Variants in GRID1 observed in about 807,000 individuals in gnomAD.
GRID1 encodes glutamate ionotropic receptor delta type subunit 1, also known as glutamate receptor ionotropic, delta-1.
A neutral mutation model predicts 98.0 loss-of-function variants in GRID1; 28 were observed. The ratio of observed to expected loss-of-function variants is 0.29; its 90% CI spans 0.21 to 0.39. The LOEUF (loss-of-function observed/expected upper bound fraction) is 0.39. GRID1 is among the 10% of genes least tolerant of loss of function. The probability of loss-of-function intolerance (pLI) is 1.00; values close to 1 mark genes in which losing one functional copy is unlikely to be tolerated. For synonymous variants in GRID1, 553 were observed against 538.5 expected (o/e 1.03, Z -0.37); for missense variants, 1,111 against 1,340.5 (o/e 0.83, Z 2.67).
chr10:86,347,848 G>A (rs1848407390), intron 2 of GRID1, among the ~76,000 whole-genome samples: 1 of 152,226 alleles, frequency 6.6e-6, no homozygotes, highest in South Asian at 2.1e-4. Context: ...TTCCCTGGAG[G>A]TGATAGTCTC....
chr10:86,356,052 T>C (rs1863823), intron 2 of GRID1, among the ~76,000 whole-genome samples: 39,032 of 152,054 alleles, frequency 0.26, 6,546 homozygotes, highest in East Asian at 0.51. Context: ...CATGACTAGC[T>C]CAATGGTCCT....
At chr10:85,995,473 C>G (rs189274731) in intron 4 of GRID1, among the ~76,000 whole-genome samples, 6 of 152,302 alleles carry the variant, frequency 3.9e-5, no homozygotes, top group Admixed American at 3.9e-4. Flanking sequence ...CCCCAGTTGA[C>G]TAGGTGTGCA....
At chr10:85,761,804 T>TC (rs1842150036) in intron 8 of GRID1, among the ~76,000 whole-genome samples, 1 of 151,298 alleles carries the variant, frequency 6.6e-6, no homozygotes, top group Non-Finnish European at 1.5e-5. Flanking sequence ...TATGCCATGC[T>TC]CCCCCCACAC....
intron 4 of GRID1, among the ~76,000 whole-genome samples, chr10:86,041,935 C>T (rs189732253): frequency 2.0e-5 from 3 of 152,306 alleles, no homozygotes; most frequent in Admixed American, 2.0e-4. Context: ...GTCAGGCCTC[C>T]CACCTGGGTA....
intron 4 of GRID1, among the ~76,000 whole-genome samples, chr10:85,922,166 G>A (rs1841714614): frequency 6.6e-6 from 1 of 152,120 alleles, no homozygotes; most frequent in African/African-American, 2.4e-5. Context: ...GTCTGAACCT[G>A]GCCCCGTAAC....
chr10:86,106,221 G>A (rs936344344), intron 4 of GRID1, among the ~76,000 whole-genome samples: 7 of 152,156 alleles, frequency 4.6e-5, no homozygotes, highest in African/African-American at 1.7e-4. Context: ...AAAAAAAATT[G>A]AAGATTGGAA....
At chr10:85,990,613 A>T (rs1481431069) in intron 4 of GRID1, among the ~76,000 whole-genome samples, 1 of 152,212 alleles carries the variant, frequency 6.6e-6, no homozygotes, top group Non-Finnish European at 1.5e-5. Context: ...TGCAAAGGCC[A>T]TGGGGCTCGA....
intron 6 of GRID1, among the ~76,000 whole-genome samples, chr10:85,868,719 G>A (rs1843246859): frequency 6.6e-6 from 1 of 152,186 alleles, no homozygotes. Context: ...CCACAAAGAA[G>A]TCATCACAGA....
At chr10:86,080,497 G>A (rs1843961467) in intron 4 of GRID1, among the ~76,000 whole-genome samples, 1 of 146,212 alleles carries the variant, frequency 6.8e-6, no homozygotes, top group South Asian at 2.2e-4. Context: ...AGGGAAAAGG[G>A]AAAAGGGGAA....
chr10:86,206,724 T>C lies in GRID1; in HGVS notation c.236-76A>G. The C allele has an allele frequency of 7.2e-7, 1 of 1,390,284 alleles. No individual in the cohort carries two copies. The highest frequency in any genetic ancestry group is 9.9e-7 in the Non-Finnish European group (1 of 1,011,910). The allele number at this position is 1,390,284 out of a possible 1,614,324, so 86.1% of individuals were successfully genotyped here. Reference sequence around the variant, plus strand: ...CACCAGCTTCAACCTGCAGGCCCCATGCCTGGCAGCTCATGCCCAGGACTC... The same window carrying C: ...CACCAGCTTCAACCTGCAGGCCCCACGCCTGGCAGCTCATGCCCAGGACTC... On this transcript the variant is annotated intron_variant, in intron 2 of 15. Transcript: ENST00000327946. This position sits in a 1 kb window ranked among gnomAD's most constrained non-coding sequence, Gnocchi z 4.1.
At chr10:85,720,018 TTTTA>T (rs1166592871) in intron 12 of GRID1, among the ~76,000 whole-genome samples, 2 of 152,150 alleles carry the variant, frequency 1.3e-5, no homozygotes, top group Non-Finnish European at 2.9e-5. Context: ...TACTGTAAAT[TTTTA>T]TTTGTCAATA....
intron 8 of GRID1, among the ~76,000 whole-genome samples, chr10:85,781,700 C>T (rs1167785550): frequency 6.6e-6 from 1 of 152,050 alleles, no homozygotes; most frequent in East Asian, 1.9e-4. Flanking sequence ...ACATGGCTGG[C>T]CTCATGTTGG....
chr10:85,949,068 T>C (rs1402336925), intron 4 of GRID1, among the ~76,000 whole-genome samples: 1 of 152,122 alleles, frequency 6.6e-6, no homozygotes, highest in Non-Finnish European at 1.5e-5. Flanking sequence ...GGAAGCACTT[T>C]CTATGGGAAC....
At chr10:85,725,445 T>A (rs911111866) in intron 10 of GRID1, among the ~76,000 whole-genome samples, 1 of 152,166 alleles carries the variant, frequency 6.6e-6, no homozygotes, top group Non-Finnish European at 1.5e-5. Flanking sequence ...CAAAATGGGC[T>A]TCATTTTAAA....
intron 4 of GRID1, among the ~76,000 whole-genome samples, chr10:86,112,324 T>C (rs1162584694): frequency 1.3e-5 from 2 of 152,184 alleles, no homozygotes; most frequent in South Asian, 2.1e-4. Context: ...CACAGGGATA[T>C]GTATTCTCTT....
chr10:86,074,881 A>G (rs1291631058), intron 4 of GRID1, among the ~76,000 whole-genome samples: 1 of 152,264 alleles, frequency 6.6e-6, no homozygotes, highest in African/African-American at 2.4e-5. Context: ...TATGAATGAT[A>G]CAGGGAAGGA....
At chr10:86,078,934 G>T (rs1408919013) in intron 4 of GRID1, among the ~76,000 whole-genome samples, 1 of 152,236 alleles carries the variant, frequency 6.6e-6, no homozygotes, top group Non-Finnish European at 1.5e-5. Context: ...TATGTCAGAA[G>T]CTGTGTAGAC....
chr10:85,624,025 C>T (rs1842884365), intron 13 of GRID1, among the ~76,000 whole-genome samples: 1 of 152,120 alleles, frequency 6.6e-6, no homozygotes, highest in African/African-American at 2.4e-5. Context: ...TATTTTTTGC[C>T]ACTTCCTATT....
chr10:85,613,129 G>A, intron 15 of GRID1: 1 of 454,218 alleles, frequency 2.2e-6, no homozygotes, highest in East Asian at 3.9e-5. Context: ...CTCTGGCGCT[G>A]CCCACGCTGT....
Sources: gnomAD v4.1 joint callset for allele counts (sites outside exome capture counted in the v4.1 genomes callset) on GRCh38, gnomAD v4.1.1 for gene constraint, Gnocchi (gnomAD v3.1) non-coding constraint, MANE v1.5 for transcripts, NCBI Gene and HGNC (gene_info 2026-07-23, HGNC 2026-07-21) for gene names.